MTOR: variants seen among roughly 807,000 people sequenced by gnomAD.
MTOR encodes mechanistic target of rapamycin kinase.
MTOR carries 70 observed loss-of-function variants against 319.8 expected under a neutral mutation model. The ratio of observed to expected loss-of-function variants is 0.22; its 90% CI spans 0.18 to 0.27. MTOR has a LOEUF of 0.27. MTOR is among the 10% of genes least tolerant of loss of function. MTOR has a pLI of 1.00. For missense variants in MTOR, 1,890 were observed against 3,274.4 expected (o/e 0.58, Z 10.32); for synonymous variants, 1,183 against 1,211.4 (o/e 0.98, Z 0.49).
intron 25 of MTOR, among the ~76,000 whole-genome samples, chr1:11,205,324 T>A (rs535780980): frequency 1.3e-5 from 2 of 152,148 alleles, no homozygotes; most frequent in African/African-American, 4.8e-5. Flanking sequence ...AACAGTATAG[T>A]GTAGTGGGCA....
At position 11,234,155 on chromosome 1, in the gene MTOR, C is replaced by T. The variant is rs367653056; in HGVS notation, c.2319G>A (p.Glu773=). ...NAPRLIRPYM[E]PILKALILKL... ...CGGTTTGTGTTACCTTCAGAATAGG[C>T]TCCATGTAGGGGCGGATGAGTCGGG... is the stretch of plus-strand genomic sequence containing the variant. Residue 773 remains glutamate (E), a synonymous_variant, in exon 14 of 58, where the codon GAG becomes GAA. Coordinates refer to ENST00000361445, the MANE Select transcript of MTOR (RefSeq NM_004958.4). 1.7e-5 allele frequency: 28 copies of T among 1,614,070 alleles called. No homozygotes were observed. In the African/African-American group the frequency reaches 3.5e-4, roughly 20 times the overall value.
Position 11,247,953 on chromosome 1 carries a change from T to C in MTOR, c.982A>G (p.Asn328Asp). The C allele has an allele frequency of 1.2e-6, 2 of 1,614,114 alleles. No homozygotes were observed. The highest frequency in any genetic ancestry group is 1.1e-5 in the South Asian group (1 of 91,074). Residue 328 changes from asparagine (N) to aspartate (D), a missense_variant, in exon 7 of 58, where the codon AAT (asparagine) becomes GAT (aspartate). Coordinates refer to ENST00000361445, the MANE Select transcript of MTOR (RefSeq NM_004958.4). ...TACCCCAGCAGCCCCACCAAGGCAT[T>C]TGACTGCTGGGGCTGTACAGCCTGG... is the stretch of plus-strand genomic sequence containing the variant. ...SFQAVQPQQS[N>D]ALVGLLGYSS...
intron 30 of MTOR, among the ~76,000 whole-genome samples, chr1:11,154,990 T>TA (rs1384798902): frequency 1.3e-5 from 2 of 151,826 alleles, no homozygotes; most frequent in African/African-American, 2.4e-5. Flanking sequence ...CTACAAAAAA[T>TA]AAAAAAAATT....
chr1:11,203,741 A>G (rs1004085626), intron 26 of MTOR, among the ~76,000 whole-genome samples: 1 of 152,178 alleles, frequency 6.6e-6, no homozygotes, highest in Non-Finnish European at 1.5e-5. Flanking sequence ...TGTCCCATAT[A>G]GTCTGTTAGA....
chr1:11,121,170 T>C lies in MTOR; in HGVS notation c.6933+76A>G. 6.3e-7 allele frequency: 1 copy of C among 1,588,896 alleles called. No individual in the cohort carries two copies. The highest frequency in any genetic ancestry group is 8.5e-7 in the Non-Finnish European group (1 of 1,171,204). On this transcript the variant is annotated intron_variant, in intron 49 of 57. Coordinates refer to ENST00000361445, the MANE Select transcript of MTOR (RefSeq NM_004958.4). The surrounding 1 kb of genome is among the most constrained non-coding windows in gnomAD (Gnocchi z 4.9). ...GCAAAGAAGAGCCGCTGTGTGCACA[T>C]GAACAGATGGGAGGGCCATCCTATT...
In MTOR at chr1:11,106,719, C is replaced by G; in HGVS notation, c.*766G>C. ...CATGACAGTATTTCTGTTTTCTGAG[C>G]CCTTGCTCTAAACAGAGTATTTTGA... is the stretch of plus-strand genomic sequence containing the variant. On this transcript the variant is annotated 3_prime_UTR_variant, in exon 58 of 58. Coordinates refer to ENST00000361445, the MANE Select transcript of MTOR (RefSeq NM_004958.4). The G allele has an allele frequency of 2.5e-6, 3 of 1,193,632 alleles. No homozygotes were observed. The highest frequency in any genetic ancestry group is 3.2e-6 in the Non-Finnish European group (3 of 950,068). 73.9% of individuals were successfully genotyped at this position (1,193,632 alleles called of 1,614,324 possible). A position where few individuals can be genotyped will look rare whatever the true frequency, so the allele number is the denominator to read the frequency against.
chr1:11,135,548 T>C (rs952665578), intron 36 of MTOR, among the ~76,000 whole-genome samples: 5 of 152,218 alleles, frequency 3.3e-5, no homozygotes, highest in Admixed American at 2.0e-4. Flanking sequence ...AATAAAAACA[T>C]GTTAGCCAGG....
chr1:11,140,983 GA>G (rs56098089), intron 34 of MTOR, among the ~76,000 whole-genome samples: 3,041 of 129,806 alleles, frequency 0.023, 90 homozygotes, highest in Admixed American at 0.074. Flanking sequence ...TAAGACTTCT[GA>G]AAAAAAAAAA....
intron 50 of MTOR, 97 bp downstream of exon 50, chr1:11,116,907 C>T (rs2100331198): frequency 2.2e-6 from 2 of 905,972 alleles, no homozygotes; most frequent in Admixed American, 2.3e-5. Flanking sequence ...TATTTATTTA[C>T]CAAAAAGCCA....
At chr1:11,243,705 C>T (rs1222073775) in intron 8 of MTOR, among the ~76,000 whole-genome samples, 2 of 151,014 alleles carry the variant, frequency 1.3e-5, no homozygotes, top group Non-Finnish European at 3.0e-5. Flanking sequence ...AAAAAAAACC[C>T]AAAAAACGTA....
chr1:11,150,072 C>T lies in MTOR; in HGVS notation c.4570+54G>A, dbSNP rs576747127. On this transcript the variant is annotated intron_variant, in intron 31 of 57. Transcript: ENST00000361445. ...CAGCACCTTACTCTTCTGATGCGAG[C>T]CCCTAGCCTCACTCACCCCATCCTT... 48 of 1,510,138 alleles carry T rather than the reference C, an allele frequency of 3.2e-5. No individual in the cohort carries two copies. The East Asian group carries it at 1.0e-3, about 33-fold the overall frequency. The allele number at this position is 1,510,138 out of a possible 1,614,324, so 93.5% of individuals were successfully genotyped here.
Position 11,146,787 on chromosome 1 carries a change from C to T in MTOR, c.4575G>A (p.Gln1525=), listed in dbSNP as rs752422693. 2 of 1,611,942 alleles carry T rather than the reference C, an allele frequency of 1.2e-6. No individual in the cohort carries two copies. The highest frequency in any genetic ancestry group is 1.7e-5 in the Admixed American group (1 of 60,030). The change falls in exon 32 of 58, where the codon CAG becomes CAA. Residue 1525 remains glutamine, a synonymous_variant. Coordinates refer to ENST00000361445, the MANE Select transcript of MTOR (RefSeq NM_004958.4). ...MAAAAAWGLG[Q]WDSMEEYTCM... ...AGGTGTATTCTTCCATGCTGTCCCACTGACCTATACACACACACATAGACA... is the reference window on the plus strand; with the variant it reads ...AGGTGTATTCTTCCATGCTGTCCCATTGACCTATACACACACACATAGACA...
chr1:11,118,377 C>G (rs1047861384), intron 49 of MTOR, among the ~76,000 whole-genome samples: 2 of 144,644 alleles, frequency 1.4e-5, no homozygotes, highest in African/African-American at 4.9e-5. Flanking sequence ...GCTAGGATAA[C>G]AGGCACGTGC....
At chr1:11,142,437 C>A (rs185179249) in intron 34 of MTOR, among the ~76,000 whole-genome samples, 2 of 151,686 alleles carry the variant, frequency 1.3e-5, no homozygotes, top group African/African-American at 2.4e-5. Context: ...TACAGGTGTG[C>A]GCCACCACGC....
At chr1:11,157,578 G>A (rs1360549410) in intron 29 of MTOR, among the ~76,000 whole-genome samples, 1 of 152,158 alleles carries the variant, frequency 6.6e-6, no homozygotes, top group African/African-American at 2.4e-5. Context: ...AGACACATGG[G>A]TCATCAGAAC....
At chr1:11,213,927 T>C (rs994419525) in intron 20 of MTOR, among the ~76,000 whole-genome samples, 5 of 152,206 alleles carry the variant, frequency 3.3e-5, no homozygotes, top group African/African-American at 1.2e-4. Context: ...CATGATCCAC[T>C]TGGGTCCTTT....
chr1:11,186,120 G>A lies in MTOR; in HGVS notation c.4253+13138C>T, dbSNP rs187836637. ...AAAAAAAAAAAGGCAGATATTCAAC[G>A]GCTGTATAGAGTATGGCAGGCTGTG... On this transcript the variant is annotated intron_variant, in intron 28 of 57. Coordinates refer to ENST00000361445, the MANE Select transcript of MTOR (RefSeq NM_004958.4). 5.4e-4 allele frequency among the ~76,000 whole-genome samples: 80 copies of A among 149,252 alleles called. No individual in the cohort carries two copies. The East Asian group carries it at 0.013, about 25-fold the overall frequency.
intron 6 of MTOR, among the ~76,000 whole-genome samples, chr1:11,252,497 C>T (rs11121709): frequency 0.034 from 5,099 of 151,974 alleles, 274 homozygotes; most frequent in African/African-American, 0.12. Context: ...ATATAGAGAG[C>T]CAACATCATA....
At position 11,212,012 on chromosome 1, in the gene MTOR, T is replaced by C. The variant is rs908479484; in HGVS notation, c.3561+300A>G. 6.6e-6 allele frequency among the ~76,000 whole-genome samples: 1 copy of C among 152,112 alleles called. No homozygotes were observed. Among genetic ancestry groups the C allele is most frequent in the Non-Finnish European group, 1.5e-5 (1 of 68,012 alleles). On this transcript the variant is annotated intron_variant, in intron 23 of 57. Coordinates refer to ENST00000361445, the MANE Select transcript of MTOR (RefSeq NM_004958.4). This position sits in a 1 kb window ranked among gnomAD's most constrained non-coding sequence, Gnocchi z 4.1. ...TCTGTCTACCCTAAATAAAGAGCAC[T>C]TCTCCCCACTTCAACCCATCACTCT...
Sources: allele counts gnomAD v4.1 joint callset (sites outside exome capture counted in the v4.1 genomes callset), GRCh38; gene constraint gnomAD v4.1.1; non-coding constraint Gnocchi (gnomAD v3.1); transcripts MANE v1.5; gene names NCBI Gene and HGNC (gene_info 2026-07-23, HGNC 2026-07-21).